CELF4: variants seen among roughly 807,000 people sequenced by gnomAD.
CELF4 encodes the protein CUGBP Elav-like family member 4.
CELF4 carries 18 observed loss-of-function variants against 59.9 expected under a neutral mutation model. The ratio of observed to expected loss-of-function variants is 0.30; its 90% CI spans 0.21 to 0.45. CELF4 has a LOEUF of 0.45. CELF4 is among the 20% of genes least tolerant of loss of function. The pLI is 1.00. For synonymous variants in CELF4, 261 were observed against 267.1 expected, an observed-to-expected ratio of 0.98 and a Z score of 0.22; for missense variants, 456 against 689.0, an observed-to-expected ratio of 0.66 and a Z score of 3.79.
chr18:37,354,537 G>A (rs1001815990), intron 2 of CELF4, among the ~76,000 whole-genome samples: 5 of 152,210 alleles, frequency 3.3e-5, no homozygotes, highest in African/African-American at 1.2e-4. Context: ...AAACATTCTG[G>A]TTCCCGTAGG....
chr18:37,374,546 G>C (rs1215576373), intron 2 of CELF4, among the ~76,000 whole-genome samples: 1 of 152,200 alleles, frequency 6.6e-6, no homozygotes, highest in African/African-American at 2.4e-5. Flanking sequence ...ACAATATGCA[G>C]ACTGACAATG....
intron 1 of CELF4, among the ~76,000 whole-genome samples, chr18:37,544,727 C>T (rs73947552): frequency 0.012 from 1,852 of 152,286 alleles, 31 homozygotes; most frequent in African/African-American, 0.042. Flanking sequence ...GTTATAACAA[C>T]AGCCTAAGGA....
intron 10 of CELF4, among the ~76,000 whole-genome samples, chr18:37,259,788 C>T (rs887203693): frequency 6.6e-6 from 1 of 152,194 alleles, no homozygotes; most frequent in Non-Finnish European, 1.5e-5. Flanking sequence ...CCTGCAGCCT[C>T]TCTTTCTCAT....
chr18:37,386,172 C>A (rs2099097336), intron 2 of CELF4, among the ~76,000 whole-genome samples: 1 of 152,130 alleles, frequency 6.6e-6, no homozygotes, highest in Admixed American at 6.5e-5. Flanking sequence ...ACCCCGCTGT[C>A]CCCCTAAAGA....
Position 37,288,287 on chromosome 18 carries a change from G to C in CELF4, c.449-13044C>G, listed in dbSNP as rs1242628465. Among the ~76,000 whole-genome samples the C allele has an allele frequency of 2.0e-5, 3 of 152,222 alleles. No homozygotes were observed. The East Asian group carries it at 5.8e-4, about 29-fold the overall frequency. On this transcript the variant is annotated intron_variant, in intron 3 of 12. Coordinates refer to ENST00000420428, the MANE Select transcript of CELF4 (RefSeq NM_020180.4). ...GCGGAGGGATGTCTCCCTTATAGGT[G>C]CCTGCTCCTAAGGGAGCACTGCTCC...
chr18:37,491,913 G>A (rs1245018562), intron 1 of CELF4, among the ~76,000 whole-genome samples: 1 of 152,166 alleles, frequency 6.6e-6, no homozygotes, highest in Non-Finnish European at 1.5e-5. Flanking sequence ...CCCATGTGCC[G>A]GGATAAAAGG....
chr18:37,464,288 G>GCT (rs779814343), intron 2 of CELF4, among the ~76,000 whole-genome samples: 4 of 152,100 alleles, frequency 2.6e-5, no homozygotes, highest in Non-Finnish European at 5.9e-5. Context: ...AGGGGTCTGG[G>GCT]CTGAGTGAAA....
chr18:37,366,508 G>A (rs1261656820), intron 2 of CELF4, among the ~76,000 whole-genome samples: 1 of 152,174 alleles, frequency 6.6e-6, no homozygotes, highest in Non-Finnish European at 1.5e-5. Context: ...GCTGCAGTGT[G>A]CCCGACTCAG....
chr18:37,405,384 G>A (rs1305436226), intron 2 of CELF4, among the ~76,000 whole-genome samples: 5 of 152,146 alleles, frequency 3.3e-5, no homozygotes, highest in African/African-American at 1.2e-4. Flanking sequence ...GCTCTGCTCA[G>A]TCTCAGGACT....
chr18:37,384,582 C>A (rs1461568939), intron 2 of CELF4, among the ~76,000 whole-genome samples: 1 of 152,004 alleles, frequency 6.6e-6, no homozygotes, highest in Admixed American at 6.6e-5. Flanking sequence ...CTGGAGGTCC[C>A]CTGGGCCATG....
chr18:37,353,162 A>G (rs1414186929), intron 2 of CELF4, among the ~76,000 whole-genome samples: 2 of 148,504 alleles, frequency 1.3e-5, no homozygotes, highest in Non-Finnish European at 3.0e-5. Flanking sequence ...CGGAAGTTGC[A>G]GTGAGCCGAG....
At chr18:37,485,633 A>G in intron 1 of CELF4, 26 bp from the exon 2 acceptor site, 1 of 1,394,344 alleles carries the variant, frequency 7.2e-7, no homozygotes, top group African/African-American at 1.5e-5. Flanking sequence ...AGCGCCAAGA[A>G]GGGTCAGTGG....
chr18:37,452,810 T>C (rs527365069), intron 2 of CELF4, among the ~76,000 whole-genome samples: 2 of 152,286 alleles, frequency 1.3e-5, no homozygotes, highest in South Asian at 2.1e-4. Context: ...GGTTCCAGAA[T>C]TCATCTCCTT....
At chr18:37,396,405 G>A (rs1004404613) in intron 2 of CELF4, among the ~76,000 whole-genome samples, 55 of 152,156 alleles carry the variant, frequency 3.6e-4, no homozygotes, top group Non-Finnish European at 1.2e-4. Context: ...GTAAATTTTT[G>A]GCTATTGAAA....
At chr18:37,280,857 T>C (rs2094046882) in intron 3 of CELF4, among the ~76,000 whole-genome samples, 1 of 152,254 alleles carries the variant, frequency 6.6e-6, no homozygotes, top group African/African-American at 2.4e-5. Flanking sequence ...TTCAGGACTC[T>C]TTTTAATTTT....
rs538336054 is a variant in CELF4, at chr18:37,421,960, G to A, written c.369+63565C>T. Among the ~76,000 whole-genome samples the A allele has an allele frequency of 9.8e-5, 15 of 152,324 alleles. No homozygotes were observed. The South Asian group carries it at 2.9e-3, about 29-fold the overall frequency. The stretch of plus-strand genomic sequence containing the variant: ...AAAGCAGCAGAATGTGAGCAAACAC[G>A]GAGAAAAGATATTCCTGGAGCCTTG... On this transcript the variant is annotated intron_variant, in intron 2 of 12. Transcript: ENST00000420428.
At chr18:37,406,454 G>T (rs959542614) in intron 2 of CELF4, among the ~76,000 whole-genome samples, 1 of 152,112 alleles carries the variant, frequency 6.6e-6, no homozygotes, top group Non-Finnish European at 1.5e-5. Flanking sequence ...ACGGTCCTGC[G>T]CTATGGGCTT....
At chr18:37,415,854 AT>A (rs904986717) in intron 2 of CELF4, among the ~76,000 whole-genome samples, 6 of 152,224 alleles carry the variant, frequency 3.9e-5, no homozygotes, top group African/African-American at 1.4e-4. Context: ...GAACACATTC[AT>A]TATCTTATTC....
chr18:37,369,268 G>T (rs2154564168), intron 2 of CELF4, among the ~76,000 whole-genome samples: 1 of 152,292 alleles, frequency 6.6e-6, no homozygotes, highest in African/African-American at 2.4e-5. Context: ...GCAGCGGGAG[G>T]CTGGGCTCTC....
Sources: allele counts gnomAD v4.1 joint callset (sites outside exome capture counted in the v4.1 genomes callset), GRCh38; gene constraint gnomAD v4.1.1; transcripts MANE v1.5; gene names NCBI Gene and HGNC (gene_info 2026-07-23, HGNC 2026-07-21).